Variants in GRID2IP observed in about 807,000 individuals in gnomAD.
GRID2IP encodes the protein delphilin.
GRID2IP carries 78 observed loss-of-function variants against 114.3 expected under a neutral mutation model. That is an observed-to-expected ratio of 0.68 (90% confidence interval 0.57 to 0.82). The LOEUF (loss-of-function observed/expected upper bound fraction) is 0.82. GRID2IP is among the 40% of genes least tolerant of loss of function. The probability of loss-of-function intolerance (pLI) is 0.00; values close to 1 mark genes in which losing one functional copy is unlikely to be tolerated. For synonymous variants in GRID2IP, 809 were observed against 724.0 expected (o/e 1.12, Z -1.89); for missense variants, 1,727 against 1,678.5 (o/e 1.03, Z -0.51).
chr7:6,536,778 TC>T lies in GRID2IP; in HGVS notation c.584+2939del, dbSNP rs1279769310. On this transcript the variant is annotated intron_variant, in intron 2 of 21. Transcript: ENST00000457091. This position sits in a 1 kb window ranked among gnomAD's most constrained non-coding sequence, Gnocchi z 5.3. ...AATTCGGCTCTAGAAATAACTTTTTTCCTTTTTTCCCCTCTTCTGATTCTCC... is the reference window on the plus strand; with the variant it reads ...AATTCGGCTCTAGAAATAACTTTTTTCTTTTTTCCCCTCTTCTGATTCTCC... The T allele has an allele frequency of 2.9e-6, 2 of 701,564 alleles. No individual in the cohort carries two copies. Among genetic ancestry groups the T allele is most frequent in the African/African-American group, 3.5e-5 (2 of 56,988 alleles). The allele number at this position is 701,564 out of a possible 1,614,324, so 43.5% of individuals were successfully genotyped here.
rs1044879173 is a variant in GRID2IP at position 6,509,424 on chromosome 7, C to T, written c.1772-111G>A. On this transcript the variant is annotated intron_variant, in intron 11 of 21. Transcript: ENST00000457091. The surrounding 1 kb of genome is among the most constrained non-coding windows in gnomAD (Gnocchi z 4.9). ...CTGGCTCTGTGTCCCAGGCCACTCT[C>T]CTTTCCCTCTCTGGGCACAGTGCAG... The T allele has an allele frequency of 1.0e-6, 1 of 983,454 alleles. No individual in the cohort carries two copies. Among genetic ancestry groups the T allele is most frequent in the African/African-American group, 1.7e-5 (1 of 58,902 alleles). 60.9% of individuals were successfully genotyped at this position (983,454 alleles called of 1,614,324 possible). A position where few individuals can be genotyped will look rare whatever the true frequency, so the allele number is the denominator to read the frequency against.
chr7:6,544,617 C>T (rs775439481), intron 1 of GRID2IP, among the ~76,000 whole-genome samples: 12 of 152,008 alleles, frequency 7.9e-5, no homozygotes, highest in Non-Finnish European at 1.5e-4. Context: ...CCATTCCCTG[C>T]AGCTTATATA....
rs1298903138 is a variant in GRID2IP, at chr7:6,536,407, G to A, written c.584+3311C>T. ...CTCTAAATCGAGCGCGCCCAAGGGG[G>A]TTCCCCCTCCCGCGCCCTGCCCGAC... is the stretch of plus-strand genomic sequence containing the variant. On this transcript the variant is annotated intron_variant, in intron 2 of 21. Coordinates refer to ENST00000457091, the MANE Select transcript of GRID2IP (RefSeq NM_001145118.2). This position sits in a 1 kb window ranked among gnomAD's most constrained non-coding sequence, Gnocchi z 5.3. Among the ~76,000 whole-genome samples, 1 of 152,258 alleles carries A rather than the reference G, an allele frequency of 6.6e-6. No homozygotes were observed. The highest frequency in any genetic ancestry group is 1.5e-5 in the Non-Finnish European group (1 of 68,046).
chr7:6,547,906 C>T (rs753114405), intron 1 of GRID2IP, among the ~76,000 whole-genome samples: 1 of 152,134 alleles, frequency 6.6e-6, no homozygotes, highest in African/African-American at 2.4e-5. Context: ...AGTCAAACTC[C>T]GACAAAGTTT....
At chr7:6,499,790 T>C (rs1172954434) in intron 20 of GRID2IP, among the ~76,000 whole-genome samples, 2 of 151,880 alleles carry the variant, frequency 1.3e-5, no homozygotes, top group East Asian at 3.9e-4. Context: ...AGTGCAGTGG[T>C]GTGATCATAC....
chr7:6,535,027 A>G (rs1366203634), intron 2 of GRID2IP, among the ~76,000 whole-genome samples: 1 of 152,234 alleles, frequency 6.6e-6, no homozygotes, highest in Non-Finnish European at 1.5e-5. Context: ...CTGGGATTAC[A>G]GGCATGCGCC....
At position 6,509,088 on chromosome 7, in the gene GRID2IP, T is replaced by C. The variant is rs997648976; in HGVS notation, c.1997A>G (p.Lys666Arg). ...PDPTRPPSRR[K>R]LFTFSHPVRS... is the part of the protein sequence containing the mutation. The stretch of plus-strand genomic sequence containing the variant: ...CACAGGGTGGGAGAAGGTGAAGAGC[T>C]TCCTGCGGCTGGGCGGGCGGGTGGG... Residue 666 changes from lysine (K) to arginine (R), a missense_variant, in exon 12 of 22, where the codon AAG (lysine) becomes AGG (arginine). Physicochemically the swap from Lys to Arg is conservative, Grantham distance 26 (BLOSUM62 2). Coordinates refer to ENST00000457091, the MANE Select transcript of GRID2IP (RefSeq NM_001145118.2). The surrounding 1 kb of genome is among the most constrained non-coding windows in gnomAD (Gnocchi z 4.9). The C allele has an allele frequency of 6.3e-5, 93 of 1,475,388 alleles. 1 individual carries two copies. The highest frequency in any genetic ancestry group is 8.0e-5 in the Non-Finnish European group (89 of 1,105,782). 91.4% of individuals were successfully genotyped at this position (1,475,388 alleles called of 1,614,324 possible).
At chr7:6,502,146 C>T (rs772716142) in intron 18 of GRID2IP, 28 bp from the exon 19 acceptor site, 22 of 1,549,104 alleles carry the variant, frequency 1.4e-5, no homozygotes, top group South Asian at 8.3e-5. Flanking sequence ...TATACATTCC[C>T]GTCAAGGACC....
At chr7:6,517,652 C>G (rs142203402) in intron 7 of GRID2IP, among the ~76,000 whole-genome samples, 3 of 151,940 alleles carry the variant, frequency 2.0e-5, no homozygotes, top group Non-Finnish European at 4.4e-5. Context: ...ACAAGTCATC[C>G]CAGCACTTTG....
chr7:6,522,541 CAGA>C (rs1779431876), intron 4 of GRID2IP, among the ~76,000 whole-genome samples: 1 of 151,772 alleles, frequency 6.6e-6, no homozygotes, highest in Non-Finnish European at 1.5e-5. Flanking sequence ...TGCTGAAGTG[CAGA>C]GGTGTGATCA....
intron 2 of GRID2IP, among the ~76,000 whole-genome samples, chr7:6,527,284 G>C (rs1040854123): frequency 1.1e-4 from 17 of 152,278 alleles, no homozygotes; most frequent in African/African-American, 4.1e-4. Context: ...TGCCCACTCA[G>C]ATATCTGGCA....
At chr7:6,499,047 C>A (rs939195166) in intron 20 of GRID2IP, among the ~76,000 whole-genome samples, 1 of 152,162 alleles carries the variant, frequency 6.6e-6, no homozygotes, top group African/African-American at 2.4e-5. Flanking sequence ...GTGGCTGAAT[C>A]GCTATCATTT....
At chr7:6,533,336 G>A (rs77398712) in intron 2 of GRID2IP, among the ~76,000 whole-genome samples, 3,383 of 152,148 alleles carry the variant, frequency 0.022, 42 homozygotes, top group South Asian at 0.036. Context: ...CTATCTACAC[G>A]TCTCATAGAA....
chr7:6,546,393 C>T (rs1779888354), intron 1 of GRID2IP, among the ~76,000 whole-genome samples: 1 of 151,114 alleles, frequency 6.6e-6, no homozygotes, highest in Admixed American at 6.6e-5. Flanking sequence ...CCAAGCCTGG[C>T]CTGTCTCTAC....
At position 6,506,043 on chromosome 7, in the gene GRID2IP, A is replaced by AGCAGGAGGAGACT; in HGVS notation, c.2545-149_2545-137dup. 1 of 634,056 alleles carries AGCAGGAGGAGACT rather than the reference A, an allele frequency of 1.6e-6. No homozygotes were observed. The highest frequency in any genetic ancestry group is 2.8e-6 in the Non-Finnish European group (1 of 358,172). The allele number at this position is 634,056 out of a possible 1,614,324, so 39.3% of individuals were successfully genotyped here. On this transcript the variant is annotated intron_variant, in intron 13 of 21. Transcript: ENST00000457091. This position sits in a 1 kb window ranked among gnomAD's most constrained non-coding sequence, Gnocchi z 5.2. ...CATCAGGTGCTGGGATAAAGCCCGG[A>AGCAGGAGGAGACT]GCAGGAGGAGACTGCAGGAGAAGCC...
In GRID2IP at chr7:6,509,230, G is replaced by C. The variant is rs779785167; in HGVS notation, c.1855C>G (p.Leu619Val). ...PCYHPLCSGG[L>V]ASPSSSESHP... ...GACTCAGAGCTGCTGGGGGAGGCCA[G>C]ACCCCCCGAACACAGCGGGTGGTAG... The change falls in exon 12 of 22, where the codon CTG (leucine) becomes GTG (valine). Residue 619 changes from leucine to valine, a missense_variant. Transcript: ENST00000457091. The surrounding 1 kb of genome is among the most constrained non-coding windows in gnomAD (Gnocchi z 4.9). 6.6e-7 allele frequency: 1 copy of C among 1,509,836 alleles called. No homozygotes were observed. Among genetic ancestry groups the C allele is most frequent in the South Asian group, 1.3e-5 (1 of 77,330 alleles). 93.5% of individuals were successfully genotyped at this position (1,509,836 alleles called of 1,614,324 possible).
chr7:6,511,952 G>C (rs763686955), intron 8 of GRID2IP, among the ~76,000 whole-genome samples: 3 of 151,298 alleles, frequency 2.0e-5, no homozygotes. Context: ...TTCTCATCCA[G>C]GTTGGAGTGC....
At position 6,523,069 on chromosome 7, in the gene GRID2IP, G is replaced by T. The variant is rs538184119; in HGVS notation, c.920-1112C>A. On this transcript the variant is annotated intron_variant, in intron 4 of 21. Coordinates refer to ENST00000457091, the MANE Select transcript of GRID2IP (RefSeq NM_001145118.2). This position sits in a 1 kb window ranked among gnomAD's most constrained non-coding sequence, Gnocchi z 4.5. ...TCCTCCTGCCTCAGTCTCCCAAAGT[G>T]CTGGGATTACAGGTGTGAGCCACCA... Among the ~76,000 whole-genome samples the T allele has an allele frequency of 4.5e-4, 68 of 152,236 alleles. No homozygotes were observed. Among genetic ancestry groups the T allele is most frequent in the South Asian group, 1.4e-3 (7 of 4,828 alleles).
intron 2 of GRID2IP, chr7:6,531,169 C>G (rs1327795977): frequency 6.2e-6 from 3 of 483,580 alleles, no homozygotes; most frequent in Non-Finnish European, 7.3e-6. Flanking sequence ...AGGAATGGAG[C>G]GAGCGCGCCG....
Sources: allele counts gnomAD v4.1 joint callset (sites outside exome capture counted in the v4.1 genomes callset), GRCh38; gene constraint gnomAD v4.1.1; non-coding constraint Gnocchi (gnomAD v3.1); transcripts MANE v1.5; gene names NCBI Gene and HGNC (gene_info 2026-07-23, HGNC 2026-07-21).